SPATA16: variants seen among roughly 807,000 people sequenced by gnomAD.
SPATA16 encodes spermatogenesis associated 16, also known as spermatogenesis-associated protein 16.
SPATA16 carries 36 observed loss-of-function variants against 63.3 expected under a neutral mutation model. The observed-to-expected ratio is 0.57, with a 90% confidence interval of 0.44 to 0.75. The LOEUF (loss-of-function observed/expected upper bound fraction) is 0.75. Ranked by LOEUF, SPATA16 falls within the 30% of genes least tolerant of loss-of-function variation. SPATA16 has a pLI of 0.00. For missense variants in SPATA16, 646 were observed against 679.3 expected, an observed-to-expected ratio of 0.95 and a Z score of 0.54; for synonymous variants, 203 against 216.7, an observed-to-expected ratio of 0.94 and a Z score of 0.56.
intron 6 of SPATA16, among the ~76,000 whole-genome samples, chr3:172,939,814 C>T (rs1462674259): frequency 6.6e-6 from 1 of 152,102 alleles, no homozygotes; most frequent in East Asian, 1.9e-4. Context: ...TCTTGCTGGG[C>T]CCTTAGATAG....
intron 2 of SPATA16, among the ~76,000 whole-genome samples, chr3:173,076,338 T>A (rs987579645): frequency 6.6e-6 from 1 of 152,154 alleles, no homozygotes; most frequent in Admixed American, 6.6e-5. Flanking sequence ...AAGAATGTAG[T>A]TCTGAGCTCA....
chr3:172,989,155 C>G lies in SPATA16; in HGVS notation c.849-12103G>C, dbSNP rs1368036764. Among the ~76,000 whole-genome samples the G allele has an allele frequency of 2.0e-5, 3 of 152,100 alleles. No individual in the cohort carries two copies. The East Asian group carries it at 5.8e-4, about 29-fold the overall frequency. On this transcript the variant is annotated intron_variant, in intron 4 of 10. Transcript: ENST00000351008. ...ACTGTGAAACCCACCTAGGCCTGGT[C>G]CCTCAGGACAGTATTATAGGATTCA...
chr3:173,136,163 G>A (rs1198474578), intron 1 of SPATA16, among the ~76,000 whole-genome samples: 1 of 152,172 alleles, frequency 6.6e-6, no homozygotes, highest in Non-Finnish European at 1.5e-5. Context: ...ATGAAATGCA[G>A]TTGATGTTAG....
chr3:173,131,749 T>TA (rs1387987839), intron 1 of SPATA16, among the ~76,000 whole-genome samples: 1 of 152,106 alleles, frequency 6.6e-6, no homozygotes, highest in Admixed American at 6.5e-5. Flanking sequence ...AGACTACAGG[T>TA]AGACTTCTTT....
At chr3:173,120,080 T>A (rs1442878705) in intron 1 of SPATA16, among the ~76,000 whole-genome samples, 1 of 136,734 alleles carries the variant, frequency 7.3e-6, no homozygotes. Context: ...AGAGCGAAAC[T>A]CCATCTCAAA....
intron 1 of SPATA16, among the ~76,000 whole-genome samples, chr3:173,138,369 C>A (rs1300714919): frequency 6.6e-6 from 1 of 152,056 alleles, no homozygotes; most frequent in Non-Finnish European, 1.5e-5. Flanking sequence ...TAATAAGTAA[C>A]GAGCTAAAGG....
intron 3 of SPATA16, among the ~76,000 whole-genome samples, chr3:173,021,346 C>A (rs1735327019): frequency 6.6e-6 from 1 of 152,116 alleles, no homozygotes. Flanking sequence ...ATGGTGATTT[C>A]TGAATTAGAC....
At chr3:172,942,075 A>G (rs1487084676) in intron 6 of SPATA16, among the ~76,000 whole-genome samples, 1 of 152,144 alleles carries the variant, frequency 6.6e-6, no homozygotes, top group Non-Finnish European at 1.5e-5. Flanking sequence ...AGCCTATAAT[A>G]TGGCAGAAAT....
chr3:173,126,921 G>A (rs550959782), intron 1 of SPATA16, among the ~76,000 whole-genome samples: 2 of 152,234 alleles, frequency 1.3e-5, no homozygotes, highest in East Asian at 1.9e-4. Flanking sequence ...GCAGAGATCC[G>A]CAAAATTAAT....
At chr3:173,001,265 G>GTTGTTGTTTTTT (rs1553790833) in intron 4 of SPATA16, among the ~76,000 whole-genome samples, 8 of 133,972 alleles carry the variant, frequency 6.0e-5, no homozygotes, top group African/African-American at 2.9e-4. Flanking sequence ...ATGCTTCTCA[G>GTTGTTGTTTTTT]TTGTTTTTTT....
At chr3:172,961,974 C>T (rs1161528652) in intron 5 of SPATA16, among the ~76,000 whole-genome samples, 1 of 152,002 alleles carries the variant, frequency 6.6e-6, no homozygotes, top group Non-Finnish European at 1.5e-5. Context: ...GAGGACTCAG[C>T]CAGGCACGAT....
At chr3:172,928,901 G>T (rs990343534) in intron 6 of SPATA16, among the ~76,000 whole-genome samples, 1 of 152,018 alleles carries the variant, frequency 6.6e-6, no homozygotes, top group African/African-American at 2.4e-5. Context: ...GCTGTTGTAT[G>T]AACATTTAGC....
chr3:173,019,607 T>G (rs747703062), intron 3 of SPATA16, 32 bp from the exon 4 acceptor site: 3 of 1,599,734 alleles, frequency 1.9e-6, no homozygotes, highest in Non-Finnish European at 2.6e-6. Context: ...GCAAATGTTA[T>G]TTGGGTTTTA....
chr3:173,011,145 T>C (rs1735065425), intron 4 of SPATA16, among the ~76,000 whole-genome samples: 1 of 151,932 alleles, frequency 6.6e-6, no homozygotes, highest in South Asian at 2.1e-4. Flanking sequence ...AAAAGAAAAC[T>C]ACAGGCACAA....
At chr3:172,992,722 A>T (rs2108261663) in intron 4 of SPATA16, among the ~76,000 whole-genome samples, 1 of 152,242 alleles carries the variant, frequency 6.6e-6, no homozygotes, top group Non-Finnish European at 1.5e-5. Context: ...ATGATCAAAG[A>T]TGAACATCAG....
chr3:172,946,378 A>G (rs1733288077), intron 6 of SPATA16, among the ~76,000 whole-genome samples: 1 of 152,202 alleles, frequency 6.6e-6, no homozygotes, highest in African/African-American at 2.4e-5. Flanking sequence ...AGCTTAGTCA[A>G]GCAGGCTCCT....
Position 173,117,390 on chromosome 3 carries a change from G to C in SPATA16, c.342C>G (p.His114Gln), listed in dbSNP as rs1171508891. The change falls in exon 2 of 11, where the codon CAC becomes CAG. Residue 114 changes from histidine to glutamine, a missense_variant. His to Gln is a conservative substitution (Grantham distance 24). Coordinates refer to ENST00000351008, the MANE Select transcript of SPATA16 (RefSeq NM_031955.6). ...CATCCATTATGTTCTTTAAGGGGAT[G>C]TGAGGCAGAGGCATGGTGATTAACT... ...DNQLITMPLP[H>Q]IPLKNIMDVE... 6.2e-7 allele frequency: 1 copy of C among 1,614,196 alleles called. No homozygotes were observed.
intron 4 of SPATA16, among the ~76,000 whole-genome samples, chr3:172,987,057 A>G (rs1411991298): frequency 1.3e-5 from 2 of 152,208 alleles, no homozygotes; most frequent in Non-Finnish European, 2.9e-5. Flanking sequence ...AGGAAGAGGC[A>G]TTGAAGAAGT....
intron 2 of SPATA16, among the ~76,000 whole-genome samples, chr3:173,071,495 G>GA: frequency 6.6e-6 from 1 of 152,000 alleles, no homozygotes; most frequent in Non-Finnish European, 1.5e-5. Flanking sequence ...CACAACAAAG[G>GA]AAAAAAAGCA....
Sources: gnomAD v4.1 joint callset for allele counts (sites outside exome capture counted in the v4.1 genomes callset) on GRCh38, gnomAD v4.1.1 for gene constraint, MANE v1.5 for transcripts, NCBI Gene and HGNC (gene_info 2026-07-23, HGNC 2026-07-21) for gene names.